Variants in PHF14 observed in about 807,000 individuals in gnomAD.
PHF14 encodes the protein PHD finger protein 14.
Under a neutral mutation model 117.9 loss-of-function variants are expected in PHF14, and 55 were observed. The observed-to-expected ratio is 0.47, with a 90% CI of 0.38 to 0.58. The LOEUF (loss-of-function observed/expected upper bound fraction) is 0.58. Ranked by LOEUF, PHF14 falls within the 20% of genes least tolerant of loss-of-function variation. The pLI is 0.00. For missense variants in PHF14, 978 were observed against 1,122.2 expected (o/e 0.87, Z 1.84); for synonymous variants, 409 against 368.6 (o/e 1.11, Z -1.26).
At chr7:11,099,172 A>G (rs3801452) in intron 16 of PHF14, among the ~76,000 whole-genome samples, 3 of 152,124 alleles carry the variant, frequency 2.0e-5, no homozygotes, top group Non-Finnish European at 2.9e-5. Flanking sequence ...TATTTTTTCT[A>G]TAATTAAGTT....
At chr7:11,044,051 G>A (rs1784584249) in intron 13 of PHF14, among the ~76,000 whole-genome samples, 1 of 152,058 alleles carries the variant, frequency 6.6e-6, no homozygotes, top group Non-Finnish European at 1.5e-5. Context: ...GAGGCAGCTG[G>A]AGGCCATTAT....
chr7:11,151,626 G>T (rs2128354174), intron 17 of PHF14, among the ~76,000 whole-genome samples: 1 of 152,142 alleles, frequency 6.6e-6, no homozygotes, highest in African/African-American at 2.4e-5. Flanking sequence ...TCAGAGTTTT[G>T]TAGTCAATTT....
intron 16 of PHF14, among the ~76,000 whole-genome samples, chr7:11,071,930 A>G (rs1252823890): frequency 6.6e-6 from 1 of 152,210 alleles, no homozygotes; most frequent in Non-Finnish European, 1.5e-5. Context: ...AATTTATATT[A>G]AGAGCCTAGA....
chr7:11,150,256 TGTTACTG>T (rs1418754355), intron 17 of PHF14, among the ~76,000 whole-genome samples: 3 of 152,124 alleles, frequency 2.0e-5, no homozygotes, highest in Non-Finnish European at 4.4e-5. Flanking sequence ...TTATGGTTAT[TGTTACTG>T]GTTATAGTTA....
At chr7:11,156,250 A>G (rs1788846675) in intron 17 of PHF14, among the ~76,000 whole-genome samples, 1 of 152,252 alleles carries the variant, frequency 6.6e-6, no homozygotes, top group African/African-American at 2.4e-5. Flanking sequence ...ATAAAGTGCC[A>G]CTACTGAGGA....
At chr7:11,111,540 G>A (rs1295624324) in intron 17 of PHF14, 73 bp downstream of exon 17, 6 of 713,358 alleles carry the variant, frequency 8.4e-6, no homozygotes, top group Non-Finnish European at 1.2e-5. Flanking sequence ...CACACAATTA[G>A]CTTCTTTAAA....
At chr7:11,090,408 T>C (rs1411068390) in intron 16 of PHF14, among the ~76,000 whole-genome samples, 1 of 152,206 alleles carries the variant, frequency 6.6e-6, no homozygotes, top group Non-Finnish European at 1.5e-5. Flanking sequence ...TCAATAACTT[T>C]CCTTATAAGT....
At chr7:11,005,004 G>A (rs1040958225) in intron 4 of PHF14, among the ~76,000 whole-genome samples, 3 of 151,732 alleles carry the variant, frequency 2.0e-5, no homozygotes, top group African/African-American at 7.3e-5. Flanking sequence ...GCAATAGAGC[G>A]AGATTCCGTC....
At chr7:11,136,579 G>A (rs916398889) in intron 17 of PHF14, among the ~76,000 whole-genome samples, 1 of 152,078 alleles carries the variant, frequency 6.6e-6, no homozygotes, top group Non-Finnish European at 1.5e-5. Context: ...TGGAGGTTGA[G>A]CATGTCTTTT....
intron 17 of PHF14, among the ~76,000 whole-genome samples, chr7:11,159,414 T>C (rs941412018): frequency 6.6e-6 from 1 of 152,118 alleles, no homozygotes; most frequent in South Asian, 2.1e-4. Flanking sequence ...TATTTTCTCC[T>C]ACTTTTTATT....
chr7:11,167,667 G>A (rs939599201), intron 17 of PHF14, among the ~76,000 whole-genome samples: 1 of 152,206 alleles, frequency 6.6e-6, no homozygotes, highest in African/African-American at 2.4e-5. Context: ...CTTTCTAACA[G>A]TGTCTCTCCT....
In PHF14 at chr7:11,061,824, G is replaced by A. The variant is rs1340181160; in HGVS notation, c.2515G>A (p.Glu839Lys). The A allele has an allele frequency of 2.6e-6, 4 of 1,521,088 alleles. No individual in the cohort carries two copies. In the African/African-American group the frequency reaches 5.6e-5, roughly 21 times the overall value. 94.2% of individuals were successfully genotyped at this position (1,521,088 alleles called of 1,614,324 possible). A position where few individuals can be genotyped will look rare whatever the true frequency, so the allele number is the denominator to read the frequency against. The change falls in exon 15 of 18, where the codon GAG becomes AAG. Residue 839 changes from glutamate to lysine, a missense_variant. Around this residue, in one of 7 missense-constraint regions of PHF14, gnomAD observed 180 missense variants for 195.4 expected, o/e 0.92. Coordinates refer to ENST00000634607, the MANE Select transcript of PHF14 (RefSeq NM_001007157.2). Reference protein sequence around the residue: ...TRGRKRSFVPEEEKHEERVPR... With the variant: ...TRGRKRSFVPKEEKHEERVPR... ...AGGACGAAAACGAAGCTTCGTTCCT[G>A]AGGAAGAAAAACATGAGGTTGGAAT...
At chr7:11,103,025 G>T in intron 16 of PHF14, 1 of 989,512 alleles carries the variant, frequency 1.0e-6, no homozygotes, top group Non-Finnish European at 1.2e-6. Flanking sequence ...CTGCTATTCT[G>T]TTTCCTTCAA....
chr7:11,069,300 C>G (rs978694464), intron 16 of PHF14, among the ~76,000 whole-genome samples: 1 of 152,068 alleles, frequency 6.6e-6, no homozygotes, highest in African/African-American at 2.4e-5. Context: ...AAGGTTCCTG[C>G]TGTTTTATGG....
chr7:11,054,971 C>T (rs1458303352), intron 14 of PHF14, among the ~76,000 whole-genome samples: 1 of 152,088 alleles, frequency 6.6e-6, no homozygotes, highest in African/African-American at 2.4e-5. Context: ...ATACGTAGGG[C>T]AATCATGACA....
At chr7:11,146,827 C>T (rs1369985858) in intron 17 of PHF14, among the ~76,000 whole-genome samples, 1 of 151,954 alleles carries the variant, frequency 6.6e-6, no homozygotes, top group African/African-American at 2.4e-5. Flanking sequence ...ATCAACGATG[C>T]AGCTTTTTTG....
At chr7:11,121,281 G>A (rs1787746709) in intron 17 of PHF14, among the ~76,000 whole-genome samples, 1 of 152,114 alleles carries the variant, frequency 6.6e-6, no homozygotes, top group Non-Finnish European at 1.5e-5. Context: ...TTAACTTTTA[G>A]AGCATATTGT....
At chr7:11,112,072 T>G (rs922648630) in intron 17 of PHF14, among the ~76,000 whole-genome samples, 1 of 152,186 alleles carries the variant, frequency 6.6e-6, no homozygotes, top group East Asian at 1.9e-4. Flanking sequence ...TACATTGTAG[T>G]AATACATAGT....
chr7:11,069,473 G>C (rs1410522093), intron 16 of PHF14, among the ~76,000 whole-genome samples: 3 of 152,220 alleles, frequency 2.0e-5, no homozygotes, highest in Non-Finnish European at 4.4e-5. Flanking sequence ...TCCCAGGGAG[G>C]CTTCAAAATC....
Sources: allele counts gnomAD v4.1 joint callset (sites outside exome capture counted in the v4.1 genomes callset), GRCh38; gene constraint gnomAD v4.1.1; regional missense constraint gnomAD v4.1.1; transcripts MANE v1.5; gene names NCBI Gene and HGNC (gene_info 2026-07-23, HGNC 2026-07-21).